The following PHLDB2 variants were observed in gnomAD, a reference collection of about 807,000 sequenced individuals.
PHLDB2 encodes pleckstrin homology-like domain family B member 2.
PHLDB2 carries 71 observed loss-of-function variants against 123.6 expected under a neutral mutation model. That is an observed-to-expected ratio of 0.57 (90% CI 0.47 to 0.70). PHLDB2 has a LOEUF of 0.70. Ranked by LOEUF, PHLDB2 falls within the 30% of genes least tolerant of loss-of-function variation. The pLI is 0.00. For missense variants in PHLDB2, 1,446 were observed against 1,519.5 expected (o/e 0.95, Z 0.80); for synonymous variants, 547 against 541.6 (o/e 1.01, Z -0.14).
intron 13 of PHLDB2, among the ~76,000 whole-genome samples, chr3:111,962,932 A>AG (rs1461472574): frequency 2.4e-5 from 3 of 127,236 alleles, no homozygotes; most frequent in Admixed American, 7.4e-5. Flanking sequence ...TCCATCTCAA[A>AG]AAAAAAAAAA....
intron 13 of PHLDB2, among the ~76,000 whole-genome samples, chr3:111,965,323 A>G (rs1330743640): frequency 1.3e-5 from 2 of 152,208 alleles, no homozygotes; most frequent in Non-Finnish European, 2.9e-5. Context: ...AGGATCCGGT[A>G]TTCCTAAGAC....
intron 16 of PHLDB2, among the ~76,000 whole-genome samples, chr3:111,971,479 A>T (rs1267246671): frequency 1.3e-5 from 2 of 152,154 alleles, no homozygotes; most frequent in African/African-American, 4.8e-5. Flanking sequence ...TATATGAAAA[A>T]TTACCCAGAA....
chr3:111,965,462 C>CA (rs1447878189), intron 13 of PHLDB2, among the ~76,000 whole-genome samples: 4 of 152,194 alleles, frequency 2.6e-5, no homozygotes, highest in Admixed American at 6.5e-5. Flanking sequence ...GTTTGATTTA[C>CA]AAAAATATAA....
chr3:111,778,376 A>C (rs1349556708), intron 1 of PHLDB2: 2 of 152,046 alleles, frequency 1.3e-5, no homozygotes, highest in African/African-American at 4.8e-5. Flanking sequence ...TAGCCTTCAG[A>C]AGAAACCAAC....
intron 1 of PHLDB2, among the ~76,000 whole-genome samples, chr3:111,819,813 G>C (rs1042443001): frequency 6.6e-6 from 1 of 152,092 alleles, no homozygotes; most frequent in African/African-American, 2.4e-5. Context: ...TTACCCCAAA[G>C]ACAAACAAAT....
chr3:111,741,037 G>C (rs2059595560), intron 1 of PHLDB2, among the ~76,000 whole-genome samples: 1 of 152,156 alleles, frequency 6.6e-6, no homozygotes, highest in South Asian at 2.1e-4. Flanking sequence ...CCAAGTACCA[G>C]CTGGCACCTT....
intron 1 of PHLDB2, among the ~76,000 whole-genome samples, chr3:111,872,306 C>G (rs549401861): frequency 4.9e-4 from 75 of 152,248 alleles, no homozygotes; most frequent in Non-Finnish European, 9.6e-4. Flanking sequence ...GTAAAATATA[C>G]AGGAAACCCA....
At chr3:111,837,335 A>G (rs1032169028) in intron 1 of PHLDB2, among the ~76,000 whole-genome samples, 1 of 152,186 alleles carries the variant, frequency 6.6e-6, no homozygotes, top group African/African-American at 2.4e-5. Context: ...TTGAAGTTAC[A>G]TTCATTCCTG....
At position 111,761,522 on chromosome 3, in the gene PHLDB2, G is replaced by A. The variant is rs111279398; in HGVS notation, c.-49+28819G>A. Among the ~76,000 whole-genome samples the A allele has an allele frequency of 9.7e-3, 1,481 of 152,324 alleles. 17 individuals are homozygous for A. Among genetic ancestry groups the A allele is most frequent in the African/African-American group, 0.033 (1,358 of 41,584 alleles). On this transcript the variant is annotated intron_variant, in intron 1 of 17. Coordinates refer to the PHLDB2 transcript ENST00000393923. ...CAGAAACTCAGAAGAGAATGACTAG[G>A]GAGAATGAGTCACTAGCAGCTGTTA... is the stretch of plus-strand genomic sequence containing the variant.
At chr3:111,966,788 A>G (rs769699435) in intron 14 of PHLDB2, 85 bp downstream of exon 14, 3 of 968,896 alleles carry the variant, frequency 3.1e-6, no homozygotes, top group Non-Finnish European at 4.8e-6. Context: ...CTCCTCCTTA[A>G]GGAGCCGTGT....
At chr3:111,913,751 C>T (rs1333481797) in intron 3 of PHLDB2, 49 bp downstream of exon 3, 1 of 1,492,140 alleles carries the variant, frequency 6.7e-7, no homozygotes, top group Admixed American at 2.1e-5. Flanking sequence ...TAGGGCTGTG[C>T]ATATGCTTTG....
Position 111,846,028 on chromosome 3 carries a change from T to C in PHLDB2, c.67+93T>C, listed in dbSNP as rs547326185. 1.3e-3 allele frequency: 1,620 copies of C among 1,261,752 alleles called. 35 individuals carry two copies. The South Asian group carries it at 0.021, about 16-fold the overall frequency. 78.2% of individuals were successfully genotyped at this position (1,261,752 alleles called of 1,614,324 possible). A position where few individuals can be genotyped will look rare whatever the true frequency, so the allele number is the denominator to read the frequency against. ...GAATGAGCTGGCATTTTCAAGCATA[T>C]ACCCAGGAGTCCAGCAATCATTGGG... On this transcript the variant is annotated intron_variant, in intron 2 of 17. Transcript: ENST00000393923.
chr3:111,773,675 C>T (rs2060217948), intron 1 of PHLDB2, among the ~76,000 whole-genome samples: 1 of 152,140 alleles, frequency 6.6e-6, no homozygotes. Flanking sequence ...TATGAGTAGG[C>T]ACTTAATAAA....
At chr3:111,826,930 G>A (rs2108443446) in intron 1 of PHLDB2, among the ~76,000 whole-genome samples, 1 of 152,200 alleles carries the variant, frequency 6.6e-6, no homozygotes, top group South Asian at 2.1e-4. Flanking sequence ...GAAATGACGT[G>A]ATGATTTAGA....
upstream of PHLDB2, among the ~76,000 whole-genome samples, chr3:111,854,952 CTGCCCA>C (rs1393157873): frequency 6.6e-6 from 1 of 152,204 alleles, no homozygotes; most frequent in African/African-American, 2.4e-5. Context: ...CTCTGTGAAT[CTGCCCA>C]TGGGCAGGAT....
chr3:111,787,820 A>G (rs1183501408), intron 1 of PHLDB2, among the ~76,000 whole-genome samples: 4 of 152,166 alleles, frequency 2.6e-5, no homozygotes. Flanking sequence ...ATCCAACCTG[A>G]TTGCATGTTT....
chr3:111,768,366 G>A (rs1049332938), intron 1 of PHLDB2, among the ~76,000 whole-genome samples: 2 of 152,150 alleles, frequency 1.3e-5, no homozygotes, highest in Non-Finnish European at 1.5e-5. Flanking sequence ...TGTTTTTCAC[G>A]TTTAAGTGAG....
chr3:111,815,303 G>T (rs7634323), intron 1 of PHLDB2, among the ~76,000 whole-genome samples: 15 of 152,094 alleles, frequency 9.9e-5, no homozygotes, highest in African/African-American at 3.4e-4. Flanking sequence ...ATGGAAGTGA[G>T]TTTGGAATTG....
chr3:111,920,124 C>A (rs1020989645), intron 4 of PHLDB2, among the ~76,000 whole-genome samples, 158 bp from the exon 5 acceptor site: 3 of 152,192 alleles, frequency 2.0e-5, no homozygotes, highest in Admixed American at 6.5e-5. Context: ...GGGAATCTTG[C>A]TTTCACATGG....
Sources: gnomAD v4.1 joint callset for allele counts (sites outside exome capture counted in the v4.1 genomes callset) on GRCh38, gnomAD v4.1.1 for gene constraint, MANE v1.5 for transcripts, NCBI Gene and HGNC (gene_info 2026-07-23, HGNC 2026-07-21) for gene names.